DGKI: variants seen among roughly 807,000 people sequenced by gnomAD.
The protein encoded by DGKI is diacylglycerol kinase iota.
Under a neutral mutation model 147.5 loss-of-function variants are expected in DGKI, and 55 were observed. The ratio of observed to expected loss-of-function variants is 0.37; its 90% CI spans 0.30 to 0.47. DGKI has a LOEUF of 0.47. DGKI is among the 20% of genes least tolerant of loss of function. The probability of loss-of-function intolerance (pLI) is 1.00; values close to 1 mark genes in which losing one functional copy is unlikely to be tolerated. For missense variants in DGKI, 1,007 were observed against 1,323.8 expected (o/e 0.76, Z 3.71); for synonymous variants, 469 against 477.1 (o/e 0.98, Z 0.22).
chr7:137,820,702 T>C (rs759421326), intron 1 of DGKI, among the ~76,000 whole-genome samples: 5 of 152,066 alleles, frequency 3.3e-5, no homozygotes, highest in Non-Finnish European at 5.9e-5. Context: ...CTCTCCAATG[T>C]CTGGGAAAAC....
intron 28 of DGKI, among the ~76,000 whole-genome samples, chr7:137,419,414 T>C (rs1322419083): frequency 6.6e-6 from 1 of 152,214 alleles, no homozygotes; most frequent in East Asian, 1.9e-4. Flanking sequence ...TAGCTCACTC[T>C]CTGAGATACA....
intron 1 of DGKI, among the ~76,000 whole-genome samples, chr7:137,768,649 G>C (rs534753957): frequency 6.6e-6 from 1 of 152,296 alleles, no homozygotes; most frequent in East Asian, 1.9e-4. Flanking sequence ...GAATCACGCT[G>C]TGCCTCATTA....
chr7:137,419,541 A>C (rs986616912), intron 28 of DGKI, among the ~76,000 whole-genome samples: 37 of 152,202 alleles, frequency 2.4e-4, no homozygotes, highest in African/African-American at 8.7e-4. Context: ...CTTAGCTCGC[A>C]AAAAAATGAA....
intron 1 of DGKI, among the ~76,000 whole-genome samples, chr7:137,732,611 G>C (rs759244764): frequency 1.3e-5 from 2 of 151,938 alleles, no homozygotes; most frequent in Non-Finnish European, 2.9e-5. Flanking sequence ...ATTAACCCAA[G>C]CTATTATAAT....
chr7:137,766,459 G>A (rs1358434030), intron 1 of DGKI, among the ~76,000 whole-genome samples: 1 of 152,200 alleles, frequency 6.6e-6, no homozygotes, highest in African/African-American at 2.4e-5. Flanking sequence ...GATGGAAAGT[G>A]AATTGACAAG....
intron 1 of DGKI, among the ~76,000 whole-genome samples, chr7:137,694,794 A>C (rs1302278381): frequency 6.6e-6 from 1 of 152,180 alleles, no homozygotes; most frequent in Non-Finnish European, 1.5e-5. Flanking sequence ...GACTTAGACA[A>C]GCTGCCTACA....
At chr7:137,504,029 G>A (rs1271484071) in intron 21 of DGKI, among the ~76,000 whole-genome samples, 2 of 152,064 alleles carry the variant, frequency 1.3e-5, no homozygotes, top group African/African-American at 2.4e-5. Flanking sequence ...AACCTACAAG[G>A]AGATGAGGGG....
chr7:137,814,632 A>G (rs6977641), intron 1 of DGKI, among the ~76,000 whole-genome samples: 1,993 of 152,288 alleles, frequency 0.013, 53 homozygotes, highest in African/African-American at 0.045. Flanking sequence ...CTTGCTAGAT[A>G]TACATCTTGG....
At chr7:137,454,437 T>C (rs1488527068) in intron 27 of DGKI, among the ~76,000 whole-genome samples, 1 of 152,118 alleles carries the variant, frequency 6.6e-6, no homozygotes, top group East Asian at 1.9e-4. Context: ...CAAAGCAGTT[T>C]GAAATGTGAG....
intron 1 of DGKI, chr7:137,721,936 C>A: frequency 8.8e-7 from 1 of 1,133,138 alleles, no homozygotes; most frequent in South Asian, 1.6e-5. Context: ...ACTCCATCCT[C>A]AGTCCTCAGC....
At chr7:137,452,489 C>T (rs1187720720) in intron 27 of DGKI, among the ~76,000 whole-genome samples, 1 of 152,332 alleles carries the variant, frequency 6.6e-6, no homozygotes, top group East Asian at 1.9e-4. Flanking sequence ...AAGTACACCA[C>T]TCCTTATTGT....
In DGKI at chr7:137,678,570, T is replaced by C. The variant is rs1823119023; in HGVS notation, c.593A>G (p.Gln198Arg). 1 of 1,614,038 alleles carries C rather than the reference T, an allele frequency of 6.2e-7. No individual in the cohort carries two copies. The highest frequency in any genetic ancestry group is 8.5e-7 in the Non-Finnish European group (1 of 1,180,020). ...DLCYLGEENC[Q>R]VRFAKSALRR... ...GCGCACACTCACTGCAAATCTGACT[T>C]GGCAGTTCTCCTCTCCAAGGTAGCA... The change falls in exon 3 of 33, where the codon CAA (glutamine) becomes CGA (arginine). Residue 198 changes from glutamine to arginine, a missense_variant. By Grantham distance (43) the Gln-to-Arg change is conservative. Around this residue, in one of 5 missense-constraint regions of DGKI, gnomAD observed 259 missense variants for 362.5 expected, o/e 0.71. Transcript: ENST00000614521.
chr7:137,623,772 G>A (rs982998039), intron 6 of DGKI, among the ~76,000 whole-genome samples: 1 of 152,214 alleles, frequency 6.6e-6, no homozygotes, highest in Non-Finnish European at 1.5e-5. Flanking sequence ...GTGAGAGAGA[G>A]AGGAGGTGCT....
chr7:137,411,322 A>G (rs1024839422), intron 29 of DGKI, among the ~76,000 whole-genome samples: 1 of 152,166 alleles, frequency 6.6e-6, no homozygotes, highest in Non-Finnish European at 1.5e-5. Flanking sequence ...AGATGATGTT[A>G]TATTATATAA....
chr7:137,632,223 T>A (rs1479145442), intron 6 of DGKI, among the ~76,000 whole-genome samples: 1 of 152,084 alleles, frequency 6.6e-6, no homozygotes, highest in Non-Finnish European at 1.5e-5. Context: ...TCAGAAGACA[T>A]CAAGAATGGA....
chr7:137,590,773 G>A (rs1819580837), intron 12 of DGKI, among the ~76,000 whole-genome samples: 1 of 152,168 alleles, frequency 6.6e-6, no homozygotes, highest in Non-Finnish European at 1.5e-5. Flanking sequence ...GCTCACTGAA[G>A]CGTCTACCTC....
At chr7:137,445,980 A>G (rs1813698043) in intron 27 of DGKI, among the ~76,000 whole-genome samples, 1 of 152,246 alleles carries the variant, frequency 6.6e-6, no homozygotes, top group Admixed American at 6.5e-5. Context: ...TAATTTCTTC[A>G]GGTGCTTAGG....
chr7:137,823,652 A>G (rs1430160412), intron 1 of DGKI, among the ~76,000 whole-genome samples: 1 of 152,254 alleles, frequency 6.6e-6, no homozygotes, highest in Non-Finnish European at 1.5e-5. Flanking sequence ...TGGAAGTCAG[A>G]GGATCCGCCT....
chr7:137,722,353 C>G, intron 1 of DGKI: 1 of 1,612,758 alleles, frequency 6.2e-7, no homozygotes, highest in African/African-American at 1.3e-5. Context: ...AGATGTGCCT[C>G]GAAAGCTGTT....
Sources: gnomAD v4.1 joint callset for allele counts (sites outside exome capture counted in the v4.1 genomes callset) on GRCh38, gnomAD v4.1.1 for gene constraint, gnomAD v4.1.1 regional missense constraint, MANE v1.5 for transcripts, NCBI Gene and HGNC (gene_info 2026-07-23, HGNC 2026-07-21) for gene names.